The following GSTO1 variants were observed in gnomAD, a reference collection of about 807,000 sequenced individuals.
The protein encoded by GSTO1 is glutathione S-transferase omega-1.
Under a neutral mutation model 23.8 loss-of-function variants are expected in GSTO1, and 27 were observed. The observed-to-expected ratio is 1.13, with a 90% CI of 0.83 to 1.56. GSTO1 has a LOEUF of 1.56. Ranked by LOEUF, GSTO1 falls within the 40% of genes most tolerant of loss-of-function variation. The probability of loss-of-function intolerance (pLI) is 0.00; values close to 1 mark genes in which losing one functional copy is unlikely to be tolerated. For missense variants in GSTO1, 255 were observed against 285.8 expected, an observed-to-expected ratio of 0.89 and a Z score of 0.78; for synonymous variants, 105 against 109.3, an observed-to-expected ratio of 0.96 and a Z score of 0.25.
intron 2 of GSTO1, among the ~76,000 whole-genome samples, chr10:104,255,929 A>G (rs941635349): frequency 3.9e-5 from 6 of 152,224 alleles, no homozygotes; most frequent in African/African-American, 1.4e-4. Context: ...CCAAGTATCC[A>G]TTGGAACCAC....
In GSTO1 at chr10:104,266,125, T is replaced by C. The variant is rs1234833675; in HGVS notation, c.507T>C (p.Ser169=). 6.2e-7 allele frequency: 1 copy of C among 1,610,882 alleles called. No individual in the cohort carries two copies. Among genetic ancestry groups the C allele is most frequent in the Non-Finnish European group, 8.5e-7 (1 of 1,177,062 alleles). ...AGACGACCTTCTTTGGTGGCAATTC[T>C]ATCTCTATGATTGATTACCTCATCT... The part of the protein sequence containing the change: ...NKKTTFFGGN[S]ISMIDYLIWP... The change falls in exon 5 of 6, where the codon TCT becomes TCC. Residue 169 remains serine (S), a synonymous_variant. Transcript: ENST00000369713.
At chr10:104,265,958 C>A in intron 4 of GSTO1, 126 bp from the exon 5 acceptor site, 2 of 525,472 alleles carry the variant, frequency 3.8e-6, no homozygotes, top group South Asian at 2.8e-5. Flanking sequence ...CAGAAAAAAA[C>A]CCAACTTGGA....
chr10:104,262,276 C>T (rs1203269166), intron 3 of GSTO1, among the ~76,000 whole-genome samples: 1 of 152,212 alleles, frequency 6.6e-6, no homozygotes, highest in African/African-American at 2.4e-5. Flanking sequence ...ACTGAAGCAT[C>T]TGGTGCTCAG....
intron 3 of GSTO1, among the ~76,000 whole-genome samples, chr10:104,260,382 A>C (rs12244332): frequency 0.074 from 11,243 of 152,274 alleles, 1,397 homozygotes; most frequent in African/African-American, 0.26. Flanking sequence ...TCATTGGTAA[A>C]ATGGATATAG....
At chr10:104,254,181 CT>C (rs1375032689), upstream of GSTO1, 1 of 152,188 alleles carries the variant, frequency 6.6e-6, no homozygotes, top group Non-Finnish European at 1.5e-5. Flanking sequence ...TTGCATTTTT[CT>C]CCAGCGAGAG....
At chr10:104,266,044 T>C (rs763376712) in intron 4 of GSTO1, 40 bp from the exon 5 acceptor site, 3 of 1,061,606 alleles carry the variant, frequency 2.8e-6, no homozygotes, top group South Asian at 1.3e-5. Flanking sequence ...TCTTACTACA[T>C]GCACAAGTAA....
At chr10:104,257,402 G>C (rs1001042688) in intron 2 of GSTO1, among the ~76,000 whole-genome samples, 3 of 150,734 alleles carry the variant, frequency 2.0e-5, no homozygotes, top group Admixed American at 6.6e-5. Context: ...ATGCAGTGGT[G>C]CAATCATGGC....
At chr10:104,257,309 G>T (rs1297820862) in intron 2 of GSTO1, among the ~76,000 whole-genome samples, 1 of 151,446 alleles carries the variant, frequency 6.6e-6, no homozygotes, top group Non-Finnish European at 1.5e-5. Flanking sequence ...TCAGTACATG[G>T]AGATTTAATC....
intron 5 of GSTO1, among the ~76,000 whole-genome samples, chr10:104,266,795 C>A (rs17116753): frequency 4.6e-5 from 7 of 151,768 alleles, no homozygotes; most frequent in Admixed American, 1.3e-4. Context: ...CGGGATTGTA[C>A]GACCAGTGTT....
rs781651960 is a variant in GSTO1 at position 104,259,744 on chromosome 10, G to A, written c.312G>A (p.Pro104=). ...CATACCCAGGGAAGAAGCTGTTGCC[G>A]GATGACCCCTATGAGAAAGCTTGCC... The part of the protein sequence containing the change: ...DEAYPGKKLL[P]DDPYEKACQK... Residue 104 remains proline (P), a synonymous_variant, in exon 3 of 6, where the codon CCG becomes CCA. Coordinates refer to ENST00000369713, the MANE Select transcript of GSTO1 (RefSeq NM_004832.3). 2.3e-5 allele frequency: 37 copies of A among 1,613,762 alleles called. No homozygotes were observed. Among genetic ancestry groups the A allele is most frequent in the South Asian group, 3.3e-5 (3 of 91,076 alleles).
intron 4 of GSTO1, 80 bp downstream of exon 4, chr10:104,263,157 T>C: frequency 1.6e-6 from 1 of 625,592 alleles, no homozygotes; most frequent in Non-Finnish European, 2.9e-6. Context: ...TTTCTTTATA[T>C]TCCCACTTTC....
In GSTO1 at chr10:104,255,263, G is replaced by C. The variant is rs1415972337; in HGVS notation, c.135G>C (p.Lys45Asn). 21 of 1,607,462 alleles carry C rather than the reference G, an allele frequency of 1.3e-5. No individual in the cohort carries two copies. Among genetic ancestry groups the C allele is most frequent in the Non-Finnish European group, 1.6e-5 (19 of 1,173,986 alleles). The change falls in exon 2 of 6, where the codon AAG becomes AAC. Residue 45 changes from lysine (K) to asparagine (N), a missense_variant. Transcript: ENST00000369713. Reference protein sequence around the residue: ...AERTRLVLKAKGIRHEVININ... With the variant: ...AERTRLVLKANGIRHEVININ... The stretch of plus-strand genomic sequence containing the variant: ...GGACGCGTCTAGTCCTGAAGGCCAA[G>C]GGAATCAGGTGGGCACCCAGGCGGG...
At chr10:104,255,070 C>A (rs2091595445) in intron 1 of GSTO1, 93 bp from the exon 2 acceptor site, 1 of 1,424,412 alleles carries the variant, frequency 7.0e-7, no homozygotes, top group Non-Finnish European at 9.7e-7. Flanking sequence ...CGGCGGGGAA[C>A]GGGTCGGAGC....
intron 2 of GSTO1, among the ~76,000 whole-genome samples, chr10:104,256,848 T>C (rs2011103858): frequency 6.6e-6 from 1 of 152,054 alleles, no homozygotes; most frequent in Admixed American, 6.6e-5. Flanking sequence ...GTTTTATAGT[T>C]CAAAAATGTT....
At chr10:104,259,871 T>C in intron 3 of GSTO1, 73 bp downstream of exon 3, 1 of 955,154 alleles carries the variant, frequency 1.0e-6, no homozygotes. Flanking sequence ...CTGCCATTTA[T>C]GGTTCAGTGA....
chr10:104,258,048 A>T (rs892702307), intron 2 of GSTO1, among the ~76,000 whole-genome samples: 1 of 152,238 alleles, frequency 6.6e-6, no homozygotes, highest in Non-Finnish European at 1.5e-5. Context: ...AAACTTGTAA[A>T]TAAGTGAGCA....
chr10:104,267,442 T>C lies in GSTO1; in HGVS notation c.*37T>C. On this transcript the variant is annotated 3_prime_UTR_variant, in exon 6 of 6. Transcript: ENST00000369713. ...GTCAGCAATAAAGCTATGTCTGATA[T>C]TTTCCTTCACTAATATGAATAATAG... The C allele has an allele frequency of 1.3e-6, 2 of 1,506,052 alleles. No individual in the cohort carries two copies. The highest frequency in any genetic ancestry group is 1.8e-6 in the Non-Finnish European group (2 of 1,116,058). The allele number at this position is 1,506,052 out of a possible 1,614,324, so 93.3% of individuals were successfully genotyped here.
chr10:104,259,318 GACA>G (rs2011116597), intron 2 of GSTO1, among the ~76,000 whole-genome samples: 1 of 152,288 alleles, frequency 6.6e-6, no homozygotes, highest in African/African-American at 2.4e-5. Flanking sequence ...TGCAATATGT[GACA>G]ACATGGATGG....
At chr10:104,258,213 G>A (rs983071529) in intron 2 of GSTO1, among the ~76,000 whole-genome samples, 7 of 152,272 alleles carry the variant, frequency 4.6e-5, no homozygotes, top group African/African-American at 1.2e-4. Flanking sequence ...AGGCAGAGGA[G>A]GCAGAGGACC....
Sources: allele counts gnomAD v4.1 joint callset (sites outside exome capture counted in the v4.1 genomes callset), GRCh38; gene constraint gnomAD v4.1.1; transcripts MANE v1.5; gene names NCBI Gene and HGNC (gene_info 2026-07-23, HGNC 2026-07-21).